LIMK1: variants seen among roughly 807,000 people sequenced by gnomAD.
The protein encoded by LIMK1 is LIM motif-containing protein kinase.
Under a neutral mutation model 77.6 loss-of-function variants are expected in LIMK1, and 21 were observed. The ratio of observed to expected loss-of-function variants is 0.27; its 90% confidence interval spans 0.19 to 0.39. The LOEUF (loss-of-function observed/expected upper bound fraction) is 0.39, where lower values mean the gene tolerates loss of function less well. Ranked by LOEUF, LIMK1 falls within the 10% of genes least tolerant of loss-of-function variation. The pLI is 1.00. For synonymous variants in LIMK1, 358 were observed against 370.0 expected, an observed-to-expected ratio of 0.97 and a Z score of 0.37; for missense variants, 696 against 901.6, an observed-to-expected ratio of 0.77 and a Z score of 2.92.
Position 74,105,859 on chromosome 7 carries a change from C to A in LIMK1, c.609-16C>A. On this transcript the variant is annotated splice_polypyrimidine_tract_variant and intron_variant, in intron 5 of 15. Transcript: ENST00000336180. ...GGGACAGGTGGGCACTGGCCTGACCCCTGCCTTACCCACAGAGTGGATCCG... is the reference window on the plus strand; with the variant it reads ...GGGACAGGTGGGCACTGGCCTGACCACTGCCTTACCCACAGAGTGGATCCG... 1 of 1,604,694 alleles carries A rather than the reference C, an allele frequency of 6.2e-7. No homozygotes were observed. Among genetic ancestry groups the A allele is most frequent in the East Asian group, 2.2e-5 (1 of 44,786 alleles).
chr7:74,112,668 A>G (rs1358613002), intron 12 of LIMK1, among the ~76,000 whole-genome samples: 2 of 152,090 alleles, frequency 1.3e-5, no homozygotes, highest in African/African-American at 2.4e-5. Context: ...TACTAAAAAT[A>G]TAAAAAATTA....
chr7:74,093,702 G>A (rs1799281604), intron 2 of LIMK1, among the ~76,000 whole-genome samples: 2 of 152,140 alleles, frequency 1.3e-5, no homozygotes, highest in South Asian at 4.1e-4. Context: ...CTGCTCTCAG[G>A]GAGGGGTACC....
At chr7:74,098,182 C>T (rs1343356018) in intron 4 of LIMK1, among the ~76,000 whole-genome samples, 1 of 152,152 alleles carries the variant, frequency 6.6e-6, no homozygotes, top group African/African-American at 2.4e-5. Flanking sequence ...AAGCTGCAAC[C>T]CTCTTCAAAT....
chr7:74,118,233 T>C (rs1214866173), intron 13 of LIMK1, among the ~76,000 whole-genome samples: 2 of 149,392 alleles, frequency 1.3e-5, no homozygotes, highest in Non-Finnish European at 3.0e-5. Flanking sequence ...AAAAATTAGC[T>C]GGGCGTGGTT....
Position 74,099,181 on chromosome 7 carries a change from C to A in LIMK1, c.551C>A (p.Pro184His), listed in dbSNP as rs781917913. 3.7e-6 allele frequency: 6 copies of A among 1,611,812 alleles called. No individual in the cohort carries two copies. Among genetic ancestry groups the A allele is most frequent in the Admixed American group, 3.3e-5 (2 of 59,990 alleles). Residue 184 changes from proline to histidine, a missense_variant, in exon 5 of 16, where the codon CCC becomes CAC. Physicochemically the swap from Pro to His is moderately conservative, Grantham distance 77. Transcript: ENST00000336180. Reference sequence around the variant, plus strand: ...CGTGGACTTTCAGTCTCCATTGACCCCCCGCACGGCCCACCGGGCTGTGGC... The same window carrying A: ...CGTGGACTTTCAGTCTCCATTGACCACCCGCACGGCCCACCGGGCTGTGGC... ...GKRGLSVSIDPPHGPPGCGTE... is the reference protein window; with the variant it reads ...GKRGLSVSIDHPHGPPGCGTE...
rs1799649611 is a variant in LIMK1 at position 74,109,296 on chromosome 7, G to C, written c.1284+260G>C. The C allele has an allele frequency of 2.0e-5, 9 of 439,358 alleles. 1 individual carries two copies. Among genetic ancestry groups the C allele is most frequent in the South Asian group, 1.6e-4 (8 of 49,146 alleles). 27.2% of individuals were successfully genotyped at this position (439,358 alleles called of 1,614,324 possible). On this transcript the variant is annotated intron_variant, in intron 10 of 15. Coordinates refer to ENST00000336180, the MANE Select transcript of LIMK1 (RefSeq NM_002314.4). ...GATCACTCGAGGCCAGGAATTCAAG[G>C]CTGCAGTGAGCTGTGATCTCACCAC...
intron 11 of LIMK1, 111 bp from the exon 12 acceptor site, chr7:74,111,822 T>C: frequency 3.5e-6 from 5 of 1,433,088 alleles, no homozygotes; most frequent in Non-Finnish European, 4.9e-6. Context: ...GTGGGAAGAA[T>C]CGTCCCGACT....
At chr7:74,095,018 A>C (rs1161338947) in intron 2 of LIMK1, among the ~76,000 whole-genome samples, 1 of 152,072 alleles carries the variant, frequency 6.6e-6, no homozygotes, top group Non-Finnish European at 1.5e-5. Context: ...TCTTAAAGGG[A>C]CAGTGTCCCA....
intron 2 of LIMK1, 49 bp from the exon 3 acceptor site, chr7:74,096,573 G>A (rs2115659111): frequency 6.2e-7 from 1 of 1,611,662 alleles, no homozygotes; most frequent in East Asian, 2.2e-5. Flanking sequence ...GCCCAGGTGA[G>A]GTGGAGGAGG....
chr7:74,121,348 C>T lies in LIMK1; in HGVS notation c.*47C>T. 6.7e-7 allele frequency: 1 copy of T among 1,486,436 alleles called. No homozygotes were observed. Among genetic ancestry groups the T allele is most frequent in the Non-Finnish European group, 9.0e-7 (1 of 1,112,022 alleles). 92.1% of individuals were successfully genotyped at this position (1,486,436 alleles called of 1,614,324 possible). A position where few individuals can be genotyped will look rare whatever the true frequency, so the allele number is the denominator to read the frequency against. On this transcript the variant is annotated 3_prime_UTR_variant, in exon 16 of 16. Transcript: ENST00000336180. Reference sequence around the variant, plus strand: ...CTGTCCCCACCTCTGGAGAATCCACCCCCACCAGATTCCTCCGCGGGAGGT... The same window carrying T: ...CTGTCCCCACCTCTGGAGAATCCACTCCCACCAGATTCCTCCGCGGGAGGT...
chr7:74,084,974 G>A (rs1167047045), intron 1 of LIMK1, among the ~76,000 whole-genome samples: 1 of 152,200 alleles, frequency 6.6e-6, no homozygotes, highest in Admixed American at 6.5e-5. Flanking sequence ...TTCACAGAGG[G>A]TCAGGCTGTT....
rs1554696108 is a variant in LIMK1 at position 74,099,104 on chromosome 7, C to T, written c.474C>T (p.His158=). 3.1e-6 allele frequency: 5 copies of T among 1,613,664 alleles called. No homozygotes were observed. Among genetic ancestry groups the T allele is most frequent in the Non-Finnish European group, 4.2e-6 (5 of 1,180,038 alleles). ...EQILPDSPGS[H]LPHTVTLVSI... ...TCCTGCCTGACTCCCCTGGCTCCCA[C>T]CTGCCCCACACCGTCACCCTGGTGT... Residue 158 remains histidine (H), a synonymous_variant, in exon 5 of 16, where the codon CAC becomes CAT. Transcript: ENST00000336180.
chr7:74,103,240 A>G (rs377388044), intron 5 of LIMK1, among the ~76,000 whole-genome samples: 1 of 149,140 alleles, frequency 6.7e-6, no homozygotes, highest in East Asian at 2.0e-4. Context: ...TTAAAGTAAA[A>G]TGTTTTTCCT....
chr7:74,107,320 C>T (rs542426277), intron 8 of LIMK1, 127 bp downstream of exon 8: 76 of 959,124 alleles, frequency 7.9e-5, no homozygotes, highest in African/African-American at 2.8e-4. Context: ...AGTGCCCTCT[C>T]CTCCCTTGGC....
chr7:74,119,870 T>C (rs1157451529), intron 13 of LIMK1, among the ~76,000 whole-genome samples: 2 of 152,138 alleles, frequency 1.3e-5, no homozygotes, highest in African/African-American at 4.8e-5. Flanking sequence ...ATCGTACCAC[T>C]GCACTCTTGC....
intron 2 of LIMK1, among the ~76,000 whole-genome samples, chr7:74,092,858 C>T (rs1364016808): frequency 6.6e-6 from 1 of 152,176 alleles, no homozygotes; most frequent in African/African-American, 2.4e-5. Flanking sequence ...GTGGAAGAGG[C>T]AGCTGCTTTT....
intron 2 of LIMK1, among the ~76,000 whole-genome samples, chr7:74,092,759 C>T (rs1799261828): frequency 6.6e-6 from 1 of 152,188 alleles, no homozygotes; most frequent in South Asian, 2.1e-4. Flanking sequence ...GGAGCAGCGG[C>T]GGGATGCAAC....
At chr7:74,099,338 T>G (rs1584114863) in intron 5 of LIMK1, 100 bp downstream of exon 5, 1 of 1,214,348 alleles carries the variant, frequency 8.2e-7, no homozygotes, top group Non-Finnish European at 1.2e-6. Context: ...AATGGGCGAG[T>G]GTTTGGGTAC....
At chr7:74,091,487 G>A (rs1288077232) in intron 2 of LIMK1, among the ~76,000 whole-genome samples, 1 of 152,138 alleles carries the variant, frequency 6.6e-6, no homozygotes, top group Non-Finnish European at 1.5e-5. Context: ...ACTGCACTCT[G>A]GCCTGGGCAA....
Sources: gnomAD v4.1 joint callset for allele counts (sites outside exome capture counted in the v4.1 genomes callset) on GRCh38, gnomAD v4.1.1 for gene constraint, MANE v1.5 for transcripts, NCBI Gene and HGNC (gene_info 2026-07-23, HGNC 2026-07-21) for gene names.